GABRG1: variants seen among roughly 807,000 people sequenced by gnomAD.
GABRG1 encodes gamma-aminobutyric acid receptor subunit gamma-1.
In GABRG1, 49 loss-of-function variants were observed where a neutral mutation model predicts 49.8. That is an observed-to-expected ratio of 0.98 (90% CI 0.78 to 1.25). The LOEUF (loss-of-function observed/expected upper bound fraction) is 1.25, where lower values mean the gene tolerates loss of function less well. GABRG1 is among the 50% of genes most tolerant of loss of function. The pLI is 0.00. For missense variants in GABRG1, 552 were observed against 552.3 expected (o/e 1.00, Z 0.01); for synonymous variants, 232 against 185.1 (o/e 1.25, Z -2.06).
In GABRG1 at chr4:46,058,483, A is replaced by C; in HGVS notation, c.763+2T>G. ...ATTTCACTATTTGAGTATTCTTTTT[A>C]CCAGAGATCGTGTGAGTGATTTCAG... On this transcript the variant is annotated splice_donor_variant, in intron 6 of 8. Coordinates refer to ENST00000295452, the MANE Select transcript of GABRG1 (RefSeq NM_173536.4). LOFTEE classifies it high-confidence loss of function. The C allele has an allele frequency of 6.2e-7, 1 of 1,611,984 alleles. No individual in the cohort carries two copies. Among genetic ancestry groups the C allele is most frequent in the Non-Finnish European group, 8.5e-7 (1 of 1,179,094 alleles).
intron 8 of GABRG1, among the ~76,000 whole-genome samples, chr4:46,045,945 C>T (rs1717981321): frequency 6.6e-6 from 1 of 151,726 alleles, no homozygotes; most frequent in Non-Finnish European, 1.5e-5. Flanking sequence ...TCTTTTGTAC[C>T]AAAGAGTTAT....
intron 3 of GABRG1, among the ~76,000 whole-genome samples, chr4:46,067,522 GT>G (rs957641336): frequency 7.2e-5 from 11 of 152,010 alleles, no homozygotes; most frequent in Non-Finnish European, 1.3e-4. Flanking sequence ...AAAATATGAA[GT>G]TTTTGTGCAC....
At chr4:46,122,641 A>C (rs1322496547) in intron 1 of GABRG1, among the ~76,000 whole-genome samples, 1 of 152,126 alleles carries the variant, frequency 6.6e-6, no homozygotes, top group Non-Finnish European at 1.5e-5. Flanking sequence ...CTATTTTCTA[A>C]GAGAAAATAT....
chr4:46,106,940 G>C (rs1056475649), intron 1 of GABRG1, among the ~76,000 whole-genome samples: 1 of 151,176 alleles, frequency 6.6e-6, no homozygotes, highest in Non-Finnish European at 1.5e-5. Flanking sequence ...TGGGTACAAA[G>C]TAGGTGTATA....
intron 3 of GABRG1, among the ~76,000 whole-genome samples, chr4:46,075,320 CT>C (rs1247238834): frequency 6.6e-6 from 1 of 151,896 alleles, no homozygotes; most frequent in Non-Finnish European, 1.5e-5. Flanking sequence ...TAATTTTTAA[CT>C]TTTTTACTTT....
At chr4:46,105,066 A>G (rs1388951266) in intron 1 of GABRG1, among the ~76,000 whole-genome samples, 1 of 151,434 alleles carries the variant, frequency 6.6e-6, no homozygotes, top group Non-Finnish European at 1.5e-5. Context: ...TCAGAAATCA[A>G]CCAAAAGTAG....
chr4:46,102,091 A>G (rs1275892181), intron 1 of GABRG1, among the ~76,000 whole-genome samples: 2 of 151,690 alleles, frequency 1.3e-5, no homozygotes, highest in South Asian at 4.1e-4. Flanking sequence ...TATACCAGAT[A>G]ACGCTCTGAA....
At chr4:46,102,648 C>A (rs977698264) in intron 1 of GABRG1, among the ~76,000 whole-genome samples, 5 of 151,610 alleles carry the variant, frequency 3.3e-5, no homozygotes, top group Non-Finnish European at 5.9e-5. Context: ...TAAAGAAAAT[C>A]TTTGAGTCAT....
intron 2 of GABRG1, among the ~76,000 whole-genome samples, chr4:46,088,286 T>C (rs1257314919): frequency 6.6e-6 from 1 of 152,066 alleles, no homozygotes; most frequent in African/African-American, 2.4e-5. Flanking sequence ...TGTCCCACAT[T>C]TAACAAGATT....
intron 1 of GABRG1, among the ~76,000 whole-genome samples, chr4:46,117,187 TA>T (rs1282063479): frequency 2.7e-5 from 4 of 150,586 alleles, no homozygotes; most frequent in African/African-American, 9.7e-5. Context: ...TTTATAATCA[TA>T]AACTTTCTGA....
At chr4:46,109,688 T>C (rs1032760463) in intron 1 of GABRG1, among the ~76,000 whole-genome samples, 1 of 151,178 alleles carries the variant, frequency 6.6e-6, no homozygotes. Flanking sequence ...TTTTGCAGCA[T>C]AACAGAGACT....
At chr4:46,086,638 A>T (rs546170378) in intron 2 of GABRG1, among the ~76,000 whole-genome samples, 48 of 151,658 alleles carry the variant, frequency 3.2e-4, no homozygotes, top group Non-Finnish European at 6.4e-4. Flanking sequence ...TGCAGTTATC[A>T]CACATAATTT....
intron 1 of GABRG1, among the ~76,000 whole-genome samples, chr4:46,113,469 T>TG (rs1232637262): frequency 6.6e-6 from 1 of 150,830 alleles, no homozygotes; most frequent in African/African-American, 2.4e-5. Context: ...TCTTGACACT[T>TG]GGGGATTATG....
chr4:46,106,455 A>G (rs1354391785), intron 1 of GABRG1, among the ~76,000 whole-genome samples: 1 of 151,562 alleles, frequency 6.6e-6, no homozygotes, highest in African/African-American at 2.4e-5. Context: ...AGACTTTGAC[A>G]AAGAGTTAGA....
At chr4:46,088,477 A>G (rs1163235062) in intron 2 of GABRG1, among the ~76,000 whole-genome samples, 1 of 151,930 alleles carries the variant, frequency 6.6e-6, no homozygotes, top group East Asian at 2.0e-4. Flanking sequence ...GTTGTACACC[A>G]TTTTAGATAG....
chr4:46,079,779 T>C (rs1719498692), intron 3 of GABRG1, among the ~76,000 whole-genome samples: 1 of 151,842 alleles, frequency 6.6e-6, no homozygotes, highest in African/African-American at 2.4e-5. Flanking sequence ...GGCCCTTGAG[T>C]GTTGTACTTG....
Position 46,041,177 on chromosome 4 carries a change from C to T in GABRG1, c.1209G>A (p.Gly403=). The T allele has an allele frequency of 1.9e-6, 3 of 1,613,030 alleles. No individual in the cohort carries two copies. Among genetic ancestry groups the T allele is most frequent in the Non-Finnish European group, 2.5e-6 (3 of 1,179,352 alleles). ...AATCTTTGCCCTCCAAACACTGATA[C>T]CCATAATCATCTTCTTGCGGCACAG... ...NISVPQEDDY[G]YQCLEGKDCA... is the part of the protein sequence containing the mutation. The change falls in exon 9 of 9, where the codon GGG becomes GGA. Residue 403 remains glycine, a synonymous_variant. Transcript: ENST00000295452.
intron 7 of GABRG1, among the ~76,000 whole-genome samples, chr4:46,057,675 A>C (rs1718504439): frequency 6.6e-6 from 1 of 152,124 alleles, no homozygotes; most frequent in Non-Finnish European, 1.5e-5. Context: ...GCAACTCTCA[A>C]GTATTCACAG....
chr4:46,094,911 A>G (rs1720117863), intron 2 of GABRG1, among the ~76,000 whole-genome samples: 1 of 151,974 alleles, frequency 6.6e-6, no homozygotes, highest in Non-Finnish European at 1.5e-5. Context: ...CAATTGTGGA[A>G]AATTCCCACA....
Sources: allele counts gnomAD v4.1 joint callset (sites outside exome capture counted in the v4.1 genomes callset), GRCh38; gene constraint gnomAD v4.1.1; transcripts MANE v1.5; gene names NCBI Gene and HGNC (gene_info 2026-07-23, HGNC 2026-07-21).